Variants in INPP5D observed in about 807,000 individuals in gnomAD.
INPP5D encodes the protein inositol polyphosphate-5-phosphatase D.
A neutral mutation model predicts 122.9 loss-of-function variants in INPP5D; 33 were observed. The observed-to-expected ratio is 0.27, with a 90% confidence interval of 0.20 to 0.36. The LOEUF is 0.36. INPP5D is among the 10% of genes least tolerant of loss of function. INPP5D has a pLI of 1.00. For synonymous variants in INPP5D, 584 were observed against 576.2 expected (o/e 1.01, Z -0.19); for missense variants, 1,053 against 1,412.7 (o/e 0.75, Z 4.08).
At chr2:233,194,791 C>T (rs537730966) in intron 23 of INPP5D, among the ~76,000 whole-genome samples, 63 of 151,580 alleles carry the variant, frequency 4.2e-4, no homozygotes, top group Middle Eastern at 3.4e-3. Context: ...ACCACTGCAC[C>T]GAGCCTTTTT....
At position 233,184,449 on chromosome 2, in the gene INPP5D, A is replaced by G. The variant is rs1416490536; in HGVS notation, c.2203A>G (p.Arg735Gly). 2 of 1,614,084 alleles carry G rather than the reference A, an allele frequency of 1.2e-6. No homozygotes were observed. Among genetic ancestry groups the G allele is most frequent in the Non-Finnish European group, 1.7e-6 (2 of 1,179,914 alleles). ...CAGCCAAGGACAGATTGAGTTTCTC[A>G]GGTGCTATGCCACATTGAAGACCAA... Reference protein sequence around the residue: ...VDSQGQIEFLRCYATLKTKSQ... With the variant: ...VDSQGQIEFLGCYATLKTKSQ... The change falls in exon 20 of 27, where the codon AGG (arginine) becomes GGG (glycine). Residue 735 changes from arginine to glycine, a missense_variant. Arg to Gly is a moderately radical substitution (Grantham distance 125). Transcript: ENST00000445964.
At chr2:233,081,500 C>T (rs538600509) in intron 2 of INPP5D, among the ~76,000 whole-genome samples, 5 of 152,272 alleles carry the variant, frequency 3.3e-5, no homozygotes, top group South Asian at 4.1e-4. Flanking sequence ...AGTCGGCACC[C>T]GCCGCCTGTA....
At chr2:233,087,509 T>C (rs1368796912) in intron 2 of INPP5D, among the ~76,000 whole-genome samples, 5 of 151,970 alleles carry the variant, frequency 3.3e-5, no homozygotes, top group African/African-American at 1.2e-4. Context: ...GTGTTTTTAG[T>C]AGAGACAGGG....
intron 13 of INPP5D, among the ~76,000 whole-genome samples, chr2:233,165,931 G>A (rs1370666941): frequency 1.3e-5 from 2 of 152,088 alleles, no homozygotes; most frequent in African/African-American, 2.4e-5. Flanking sequence ...CAGGGGCGAG[G>A]CCAGTGGTTT....
At chr2:233,067,954 C>A (rs942466573) in intron 1 of INPP5D, among the ~76,000 whole-genome samples, 89 of 152,096 alleles carry the variant, frequency 5.9e-4, no homozygotes, top group Non-Finnish European at 8.1e-4. Context: ...CAAGTCCAGG[C>A]ATGTGGTAAG....
chr2:233,077,686 A>G (rs867467163), intron 1 of INPP5D, among the ~76,000 whole-genome samples: 1 of 110,912 alleles, frequency 9.0e-6, no homozygotes, highest in African/African-American at 3.4e-5. Context: ...AAAAAAAAAA[A>G]CTCTCTCTAC....
At chr2:233,079,276 G>C (rs757962255) in intron 1 of INPP5D, 59 bp from the exon 2 acceptor site, 3 of 1,082,346 alleles carry the variant, frequency 2.8e-6, no homozygotes, top group Non-Finnish European at 4.3e-6. Flanking sequence ...TGTCTTTTCA[G>C]TTAAGAGGAA....
chr2:233,182,432 G>T lies in INPP5D; in HGVS notation c.2094G>T (p.Thr698=), dbSNP rs759497603. Residue 698 remains threonine, a synonymous_variant, in exon 19 of 27, where the codon ACG becomes ACT. Transcript: ENST00000445964. ...CAGGCAGTACCAGCGACATCATGAC[G>T]AGTGACCACAGCCCTGTCTTTGCCA... ...QSYGSTSDIM[T]SDHSPVFATF... is the part of the protein sequence containing the mutation. 2 of 1,613,708 alleles carry T rather than the reference G, an allele frequency of 1.2e-6. No homozygotes were observed. Among genetic ancestry groups the T allele is most frequent in the Non-Finnish European group, 1.7e-6 (2 of 1,179,706 alleles).
intron 5 of INPP5D, chr2:233,134,242 C>G: frequency 3.2e-6 from 1 of 314,150 alleles, no homozygotes; most frequent in South Asian, 2.5e-5. Flanking sequence ...AGTCACCAGC[C>G]ATGGAGCTAG....
chr2:233,065,953 A>ATTTTT (rs1357432161), intron 1 of INPP5D, among the ~76,000 whole-genome samples: 1 of 148,984 alleles, frequency 6.7e-6, no homozygotes, highest in South Asian at 2.1e-4. Flanking sequence ...CCTTTTTTTA[A>ATTTTT]AATTATTATT....
In INPP5D at chr2:233,170,733, C is replaced by T. The variant is rs1694472560; in HGVS notation, c.1900+129C>T. The T allele has an allele frequency of 7.6e-7, 1 of 1,309,652 alleles. No homozygotes were observed. The highest frequency in any genetic ancestry group is 1.0e-6 in the Non-Finnish European group (1 of 975,708). 81.1% of individuals were successfully genotyped at this position (1,309,652 alleles called of 1,614,324 possible). On this transcript the variant is annotated intron_variant, in intron 16 of 26. Coordinates refer to ENST00000445964, the MANE Select transcript of INPP5D (RefSeq NM_001017915.3). This position sits in a 1 kb window ranked among gnomAD's most constrained non-coding sequence, Gnocchi z 4.5. ...CCTGGCTAACACAGTGAAACCCCGTCTCTACTTAAAAAAATACAAAAAATT... is the reference window on the plus strand; with the variant it reads ...CCTGGCTAACACAGTGAAACCCCGTTTCTACTTAAAAAAATACAAAAAATT...
intron 1 of INPP5D, among the ~76,000 whole-genome samples, chr2:233,074,633 G>T (rs79639727): frequency 0.074 from 10,768 of 145,930 alleles, 468 homozygotes; most frequent in Middle Eastern, 0.11. Flanking sequence ...TTTTTTTTTT[G>T]AACGCAGGGT....
rs1015679986 is a variant in INPP5D at position 233,161,926 on chromosome 2, C to T, written c.1240+100C>T. The T allele has an allele frequency of 2.6e-5, 39 of 1,480,722 alleles. 1 individual carries two copies. The Admixed American group carries it at 6.3e-4, about 24-fold the overall frequency. 91.7% of individuals were successfully genotyped at this position (1,480,722 alleles called of 1,614,324 possible). On this transcript the variant is annotated intron_variant, in intron 11 of 26. Coordinates refer to ENST00000445964, the MANE Select transcript of INPP5D (RefSeq NM_001017915.3). ...GGTGGAGTGACGACATCCATGTCCC[C>T]TTCCTTCCTGCCCCAGGGCCCTGCC...
chr2:233,103,428 C>T (rs932455259), intron 2 of INPP5D, among the ~76,000 whole-genome samples: 7 of 152,156 alleles, frequency 4.6e-5, no homozygotes, highest in Admixed American at 2.0e-4. Context: ...TTGAGAGAGA[C>T]GGGAGGGCTT....
intron 2 of INPP5D, among the ~76,000 whole-genome samples, chr2:233,103,707 T>C (rs1692382309): frequency 6.7e-6 from 1 of 148,372 alleles, no homozygotes; most frequent in Non-Finnish European, 1.5e-5. Flanking sequence ...TAGTTCTTTT[T>C]TTTTTTTTTT....
In INPP5D at chr2:233,170,282, C is replaced by T; in HGVS notation, c.1791+118C>T. 1 of 1,512,440 alleles carries T rather than the reference C, an allele frequency of 6.6e-7. No individual in the cohort carries two copies. Among genetic ancestry groups the T allele is most frequent in the Non-Finnish European group, 8.9e-7 (1 of 1,126,896 alleles). 93.7% of individuals were successfully genotyped at this position (1,512,440 alleles called of 1,614,324 possible). On this transcript the variant is annotated intron_variant, in intron 15 of 26. Coordinates refer to ENST00000445964, the MANE Select transcript of INPP5D (RefSeq NM_001017915.3). This position sits in a 1 kb window ranked among gnomAD's most constrained non-coding sequence, Gnocchi z 4.5. The stretch of plus-strand genomic sequence containing the variant: ...AATCAAGTGGGCTGAGGCGGCTGCT[C>T]CCCTTGGGGGCTCAACGCTGTTTCC...
chr2:233,180,079 T>C (rs1694744784), intron 18 of INPP5D, among the ~76,000 whole-genome samples: 1 of 152,082 alleles, frequency 6.6e-6, no homozygotes, highest in South Asian at 2.1e-4. Context: ...GCTGGCTTCT[T>C]AGCTTCCTGG....
At position 233,078,827 on chromosome 2, in the gene INPP5D, T is replaced by A. The variant is rs765683365; in HGVS notation, c.135-508T>A. Reference sequence around the variant, plus strand: ...CCTCCCAAGTAGCTGGGACTACAGGTGTGCGCCACCACGCCCAGCTAATTT... The same window carrying A: ...CCTCCCAAGTAGCTGGGACTACAGGAGTGCGCCACCACGCCCAGCTAATTT... On this transcript the variant is annotated intron_variant, in intron 1 of 26. Coordinates refer to ENST00000445964, the MANE Select transcript of INPP5D (RefSeq NM_001017915.3). The surrounding 1 kb of genome is among the most constrained non-coding windows in gnomAD (Gnocchi z 4.6). Among the ~76,000 whole-genome samples the A allele has an allele frequency of 2.1e-4, 32 of 151,952 alleles. No homozygotes were observed. Among genetic ancestry groups the A allele is most frequent in the Admixed American group, 7.9e-4 (12 of 15,240 alleles).
chr2:233,102,672 C>G (rs1020242026), intron 2 of INPP5D, among the ~76,000 whole-genome samples: 1 of 151,914 alleles, frequency 6.6e-6, no homozygotes, highest in African/African-American at 2.4e-5. Context: ...CACAGTGAAA[C>G]CCCGTCTCTA....
Sources: gnomAD v4.1 joint callset for allele counts (sites outside exome capture counted in the v4.1 genomes callset) on GRCh38, gnomAD v4.1.1 for gene constraint, Gnocchi (gnomAD v3.1) non-coding constraint, MANE v1.5 for transcripts, NCBI Gene and HGNC (gene_info 2026-07-23, HGNC 2026-07-21) for gene names.